Variants in EP300 observed in about 807,000 individuals in gnomAD.
EP300 encodes EP300 lysine acetyltransferase.
Under a neutral mutation model 264.0 loss-of-function variants are expected in EP300, and 31 were observed. The ratio of observed to expected loss-of-function variants is 0.12; its 90% CI spans 0.09 to 0.16. The LOEUF (loss-of-function observed/expected upper bound fraction) is 0.16. Among genes scored for constraint, EP300 ranks in the 10% least tolerant of loss-of-function variants. The probability of loss-of-function intolerance (pLI) is 1.00; values close to 1 mark genes in which losing one functional copy is unlikely to be tolerated. For missense variants in EP300, 2,766 were observed against 3,052.9 expected, an observed-to-expected ratio of 0.91 and a Z score of 2.21; for synonymous variants, 1,340 against 1,045.4, an observed-to-expected ratio of 1.28 and a Z score of -5.44.
intron 1 of EP300, among the ~76,000 whole-genome samples, chr22:41,094,636 T>C (rs1354682313): frequency 6.6e-6 from 1 of 152,240 alleles, no homozygotes; most frequent in Non-Finnish European, 1.5e-5. Flanking sequence ...TTGCACCTAC[T>C]AAAGTGCCAT....
chr22:41,158,904 A>G (rs2059092566), intron 19 of EP300: 2 of 227,312 alleles, frequency 8.8e-6, no homozygotes, highest in South Asian at 1.2e-4. Flanking sequence ...GATGAGGCCT[A>G]TCCCTAAGTA....
intron 1 of EP300, among the ~76,000 whole-genome samples, chr22:41,096,682 G>T (rs1342868131): frequency 7.0e-6 from 1 of 143,062 alleles, no homozygotes; most frequent in Non-Finnish European, 1.5e-5. Flanking sequence ...GCAGTAGCTC[G>T]ATCTTGGCTC....
chr22:41,095,708 T>G (rs922489292), intron 1 of EP300, among the ~76,000 whole-genome samples: 1 of 152,164 alleles, frequency 6.6e-6, no homozygotes, highest in Non-Finnish European at 1.5e-5. Context: ...TATTTCTTGA[T>G]ATTATGGTTT....
intron 6 of EP300, among the ~76,000 whole-genome samples, chr22:41,135,329 T>C (rs879855981): frequency 7.2e-5 from 11 of 152,362 alleles, no homozygotes; most frequent in Admixed American, 4.6e-4. Context: ...TTCAAAGTTA[T>C]GTTTATAGTT....
intron 11 of EP300, 36 bp from the exon 12 acceptor site, chr22:41,147,801 A>G (rs778196707): frequency 7.7e-7 from 1 of 1,302,800 alleles, no homozygotes; most frequent in East Asian, 2.3e-5. Context: ...AATTTCACAA[A>G]GGCATTCAGA....
chr22:41,123,511 A>G lies in EP300; in HGVS notation c.730-2353A>G, dbSNP rs1042405479. Among the ~76,000 whole-genome samples, 78 of 152,208 alleles carry G rather than the reference A, an allele frequency of 5.1e-4. 1 individual carries two copies. Among genetic ancestry groups the G allele is most frequent in the Non-Finnish European group, 8.5e-4 (58 of 68,030 alleles). On this transcript the variant is annotated intron_variant, in intron 2 of 30. Transcript: ENST00000263253. ...ACAAGCACTGTGATAGGTTTGAGTT[A>G]AGACAGTCACAGTAGGTAGGAATAC... is the stretch of plus-strand genomic sequence containing the variant.
intron 25 of EP300, 136 bp downstream of exon 25, chr22:41,169,003 T>G: frequency 7.9e-7 from 1 of 1,273,738 alleles, no homozygotes; most frequent in Non-Finnish European, 1.1e-6. Flanking sequence ...TCCAGTAATT[T>G]TAAAGTGAAA....
intron 1 of EP300, among the ~76,000 whole-genome samples, chr22:41,104,668 T>C (rs2058748779): frequency 6.6e-6 from 1 of 152,184 alleles, no homozygotes; most frequent in South Asian, 2.1e-4. Context: ...ATGTGAATTT[T>C]CTAAACATGG....
intron 1 of EP300, among the ~76,000 whole-genome samples, chr22:41,101,663 G>A (rs1269054615): frequency 1.3e-5 from 2 of 151,868 alleles, no homozygotes; most frequent in South Asian, 2.1e-4. Flanking sequence ...TACCCTTCTC[G>A]GCCTCCCAAA....
At chr22:41,094,577 G>T (rs963393546) in intron 1 of EP300, among the ~76,000 whole-genome samples, 4 of 152,078 alleles carry the variant, frequency 2.6e-5, no homozygotes, top group Non-Finnish European at 4.4e-5. Context: ...TTTTTAGCTG[G>T]TTTTTTCCTT....
In EP300 at chr22:41,113,165, C is replaced by T. The variant is rs550640265; in HGVS notation, c.95-4022C>T. 3.4e-4 allele frequency among the ~76,000 whole-genome samples: 49 copies of T among 143,512 alleles called. 9 individuals carry two copies. The highest frequency in any genetic ancestry group is 1.2e-3 in the African/African-American group (48 of 38,974). The allele number at this position is 143,512 out of a possible 152,430, so 94.1% of individuals were successfully genotyped here. A position where few individuals can be genotyped will look rare whatever the true frequency, so the allele number is the denominator to read the frequency against. ...GTTTGAATCAGGATTCCACCCCCCC[C>T]CCAACTTATGCTATGGATTTGTTGG... On this transcript the variant is annotated intron_variant, in intron 1 of 30. Transcript: ENST00000263253.
chr22:41,095,134 T>G (rs2058695101), intron 1 of EP300, among the ~76,000 whole-genome samples: 1 of 152,198 alleles, frequency 6.6e-6, no homozygotes, highest in African/African-American at 2.4e-5. Flanking sequence ...GGTGTACGGT[T>G]TTTAATTGTA....
chr22:41,116,426 G>GT (rs1468462755), intron 1 of EP300, among the ~76,000 whole-genome samples: 1 of 152,002 alleles, frequency 6.6e-6, no homozygotes, highest in African/African-American at 2.4e-5. Context: ...CCATGTGTTC[G>GT]TATTTAACTC....
At position 41,177,902 on chromosome 22, in the gene EP300, C is replaced by T. The variant is rs2059211952; in HGVS notation, c.6191C>T (p.Pro2064Leu). ...LLRTLRSPSS[P>L]LQQQQVLSIL... ...CGGACTCTCAGGTCTCCCAGCTCTC[C>T]CCTGCAGCAGCAACAGGTGCTTAGT... The change falls in exon 31 of 31, where the codon CCC becomes CTC. Residue 2064 changes from proline (P) to leucine (L), a missense_variant. Pro to Leu is a moderately conservative substitution (Grantham distance 98, BLOSUM62 -3). Coordinates refer to ENST00000263253, the MANE Select transcript of EP300 (RefSeq NM_001429.4). The T allele has an allele frequency of 2.5e-6, 4 of 1,614,204 alleles. No homozygotes were observed. The highest frequency in any genetic ancestry group is 3.4e-6 in the Non-Finnish European group (4 of 1,180,024).
At chr22:41,164,292 TTAAG>T (rs955048959) in intron 22 of EP300, among the ~76,000 whole-genome samples, 162 bp downstream of exon 22, 21 of 152,354 alleles carry the variant, frequency 1.4e-4, no homozygotes, top group African/African-American at 4.1e-4. Flanking sequence ...TTTTTAAAAA[TTAAG>T]TAACCTAGTA....
At chr22:41,109,308 A>G (rs904765207) in intron 1 of EP300, among the ~76,000 whole-genome samples, 2 of 152,120 alleles carry the variant, frequency 1.3e-5, no homozygotes, top group Non-Finnish European at 2.9e-5. Flanking sequence ...ATCAAATACA[A>G]TAGATTTGGC....
In EP300 at chr22:41,178,373, C is replaced by CACA; in HGVS notation, c.6663_6665dup (p.Gln2225dup). The CACA allele has an allele frequency of 6.2e-7, 1 of 1,614,144 alleles. No homozygotes were observed. Among genetic ancestry groups the CACA allele is most frequent in the Non-Finnish European group, 8.5e-7 (1 of 1,180,030 alleles). On this transcript the variant is annotated inframe_insertion, in exon 31 of 31. Transcript: ENST00000263253. ...CAACCCCAAGGAGTTGGCTACCCAC[C>CACA]ACAGCAGCAGCAGCGGATGCAGCAT...
At chr22:41,110,573 C>A (rs1339326256) in intron 1 of EP300, among the ~76,000 whole-genome samples, 1 of 151,952 alleles carries the variant, frequency 6.6e-6, no homozygotes, top group Non-Finnish European at 1.5e-5. Flanking sequence ...GCTGGGATTG[C>A]AGATGTGAGC....
In EP300 at chr22:41,131,380, T is replaced by C. The variant is rs76827562; in HGVS notation, c.1283-8T>C. On this transcript the variant is annotated splice_region_variant and splice_polypyrimidine_tract_variant and intron_variant, in intron 5 of 30. Coordinates refer to ENST00000263253, the MANE Select transcript of EP300 (RefSeq NM_001429.4). ...AATTTGTAATACTATATCTTTTGTC[T>C]TCTCTAGCAATTTTGACTGGAGCAC... The C allele has an allele frequency of 3.2e-3, 5,192 of 1,613,558 alleles. 152 individuals carry two copies. The African/African-American group carries it at 0.063, about 19-fold the overall frequency.
Sources: gnomAD v4.1 joint callset for allele counts (sites outside exome capture counted in the v4.1 genomes callset) on GRCh38, gnomAD v4.1.1 for gene constraint, MANE v1.5 for transcripts, NCBI Gene and HGNC (gene_info 2026-07-23, HGNC 2026-07-21) for gene names.